The following PARD3 variants were observed in gnomAD, a reference collection of about 807,000 sequenced individuals.
PARD3 encodes the protein partitioning defective 3 homolog.
Under a neutral mutation model 155.4 loss-of-function variants are expected in PARD3, and 75 were observed. The observed-to-expected ratio is 0.48, with a 90% CI of 0.40 to 0.58. PARD3 has a LOEUF of 0.58. Among genes scored for constraint, PARD3 ranks in the 20% least tolerant of loss-of-function variants. The probability of loss-of-function intolerance (pLI) is 0.00; values close to 1 mark genes in which losing one functional copy is unlikely to be tolerated. For synonymous variants in PARD3, 576 were observed against 610.5 expected (o/e 0.94, Z 0.83); for missense variants, 1,642 against 1,721.7 (o/e 0.95, Z 0.82).
chr10:34,285,426 A>T lies in PARD3; in HGVS notation c.3066-1181T>A, dbSNP rs543336566. 6.6e-5 allele frequency among the ~76,000 whole-genome samples: 10 copies of T among 152,040 alleles called. No individual in the cohort carries two copies. The South Asian group carries it at 1.7e-3, about 25-fold the overall frequency. ...CCTCGTCTCTACTAAATACCAAAAC[A>T]ATCAGCCAGGTGTGGTGGTGTGCAC... On this transcript the variant is annotated intron_variant, in intron 20 of 24. Transcript: ENST00000374788.
rs1430602259 is a variant in PARD3, at chr10:34,512,499, G to T, written c.403+4480C>A. Among the ~76,000 whole-genome samples, 4 of 152,124 alleles carry T rather than the reference G, an allele frequency of 2.6e-5. No homozygotes were observed. In the East Asian group the frequency reaches 7.7e-4, roughly 29 times the overall value. ...TTTTCTGATATGACAGGATGATCCA[G>T]GATGATCCCATACATTTCCTGTACA... On this transcript the variant is annotated intron_variant, in intron 3 of 24. Coordinates refer to ENST00000374788, the MANE Select transcript of PARD3 (RefSeq NM_001184785.2).
chr10:34,122,138 A>G (rs143499965), intron 23 of PARD3, among the ~76,000 whole-genome samples: 88 of 152,326 alleles, frequency 5.8e-4, no homozygotes, highest in African/African-American at 2.0e-3. Context: ...CTTTTCACTC[A>G]GTGTAAACTA....
In PARD3 at chr10:34,627,897, A is replaced by C. The variant is rs116593743; in HGVS notation, c.222+68421T>G. 9.2e-3 allele frequency among the ~76,000 whole-genome samples: 1,397 copies of C among 152,268 alleles called. 13 individuals are homozygous for C. Among genetic ancestry groups the C allele is most frequent in the African/African-American group, 0.032 (1,328 of 41,544 alleles). The stretch of plus-strand genomic sequence containing the variant: ...GATTCCAGGAAGAAATGATGGGCAG[A>C]GGTGGGTACACACAGGTTGCCTCAT... On this transcript the variant is annotated intron_variant, in intron 2 of 24. Transcript: ENST00000374788.
chr10:34,741,813 C>T (rs1325148809), intron 1 of PARD3, among the ~76,000 whole-genome samples: 1 of 152,102 alleles, frequency 6.6e-6, no homozygotes, highest in Non-Finnish European at 1.5e-5. Context: ...ACATACAACA[C>T]AGAAAAATTA....
rs745704114 is a variant in PARD3 at position 34,140,885 on chromosome 10, T to G, written c.3420-9302A>C. On this transcript the variant is annotated intron_variant, in intron 22 of 24. Transcript: ENST00000374788. The stretch of plus-strand genomic sequence containing the variant: ...TTTCTAACAAGGGCCGCTTTTTTTG[T>G]GATGCTTCAGGGTATTTATAACATC... Among the ~76,000 whole-genome samples the G allele has an allele frequency of 1.2e-3, 185 of 152,248 alleles. 1 individual carries two copies. The highest frequency in any genetic ancestry group is 2.1e-3 in the Non-Finnish European group (146 of 68,042).
intron 4 of PARD3, among the ~76,000 whole-genome samples, chr10:34,463,190 GAAGGGGAAGGA>G (rs1008792561): frequency 7.7e-6 from 1 of 129,326 alleles, no homozygotes; most frequent in Admixed American, 8.0e-5. Flanking sequence ...AAAGGAAAGA[GAAGGGGAAGGA>G]AAGGGGAAGG....
chr10:34,763,093 G>A lies in PARD3; in HGVS notation c.120+51783C>T, dbSNP rs150972389. 3.8e-3 allele frequency among the ~76,000 whole-genome samples: 583 copies of A among 152,320 alleles called. 3 individuals are homozygous for A. Among genetic ancestry groups the A allele is most frequent in the Admixed American group, 5.5e-3 (84 of 15,304 alleles). ...GCCCAGAGGACATTTTGGAAATTTT[G>A]TTGTCACAATGACTGGAGGTCACTG... On this transcript the variant is annotated intron_variant, in intron 1 of 24. Transcript: ENST00000374788.
At chr10:34,213,682 T>C (rs1225787211) in intron 22 of PARD3, among the ~76,000 whole-genome samples, 1 of 152,050 alleles carries the variant, frequency 6.6e-6, no homozygotes, top group Non-Finnish European at 1.5e-5. Context: ...CTCAATCCTA[T>C]AGCAGAGATA....
intron 9 of PARD3, among the ~76,000 whole-genome samples, chr10:34,379,300 T>C (rs889304129): frequency 6.6e-6 from 1 of 152,110 alleles, no homozygotes; most frequent in Non-Finnish European, 1.5e-5. Context: ...CACTCCATAG[T>C]TATTCCTGTA....
chr10:34,454,564 A>T (rs999436631), intron 4 of PARD3, among the ~76,000 whole-genome samples: 3 of 152,218 alleles, frequency 2.0e-5, no homozygotes, highest in Non-Finnish European at 4.4e-5. Context: ...TATAAAACTT[A>T]CTAATGGCAT....
chr10:34,551,463 A>C (rs1447633989), intron 2 of PARD3, among the ~76,000 whole-genome samples: 1 of 152,308 alleles, frequency 6.6e-6, no homozygotes, highest in East Asian at 1.9e-4. Flanking sequence ...AGGCCACCTC[A>C]GGGTCAAAGA....
intron 22 of PARD3, among the ~76,000 whole-genome samples, chr10:34,131,808 G>A (rs1430264164): frequency 1.4e-5 from 2 of 139,858 alleles, no homozygotes; most frequent in Non-Finnish European, 3.2e-5. Context: ...AATATTTTTA[G>A]ATATTCTTTT....
intron 2 of PARD3, among the ~76,000 whole-genome samples, chr10:34,577,850 C>CT (rs369876578): frequency 0.19 from 28,043 of 144,400 alleles, 2,990 homozygotes; most frequent in Non-Finnish European, 0.26. Flanking sequence ...CTAGAATAAA[C>CT]TTTTTTTTTT....
intron 2 of PARD3, among the ~76,000 whole-genome samples, chr10:34,523,712 G>T (rs1420190175): frequency 6.6e-6 from 1 of 152,100 alleles, no homozygotes; most frequent in Non-Finnish European, 1.5e-5. Context: ...AACAGATATG[G>T]GAGAACTAGA....
chr10:34,792,448 CT>C (rs1841770184), intron 1 of PARD3, among the ~76,000 whole-genome samples: 1 of 152,190 alleles, frequency 6.6e-6, no homozygotes, highest in Admixed American at 6.5e-5. Context: ...GTCACAAACT[CT>C]ACTTAGCAGA....
At chr10:34,244,387 C>T (rs1027642088) in intron 22 of PARD3, among the ~76,000 whole-genome samples, 2 of 152,124 alleles carry the variant, frequency 1.3e-5, no homozygotes, top group African/African-American at 2.4e-5. Context: ...GCCTGAATAA[C>T]GGCCCAGGAA....
chr10:34,212,690 G>T (rs910842380), intron 22 of PARD3, among the ~76,000 whole-genome samples: 1 of 152,108 alleles, frequency 6.6e-6, no homozygotes, highest in Non-Finnish European at 1.5e-5. Context: ...GGCAAAGGCC[G>T]CAGAGGTGGA....
intron 22 of PARD3, among the ~76,000 whole-genome samples, chr10:34,156,027 AG>A (rs1477517197): frequency 2.6e-5 from 4 of 152,168 alleles, no homozygotes; most frequent in Admixed American, 2.6e-4. Flanking sequence ...TACTTTCAGC[AG>A]GAAGTGGGAA....
chr10:34,582,399 A>C (rs1250851260), intron 2 of PARD3, among the ~76,000 whole-genome samples: 5 of 152,230 alleles, frequency 3.3e-5, no homozygotes, highest in Non-Finnish European at 7.3e-5. Flanking sequence ...GTGAAAATTA[A>C]AGACAGTACA....
Sources: allele counts gnomAD v4.1 joint callset (sites outside exome capture counted in the v4.1 genomes callset), GRCh38; gene constraint gnomAD v4.1.1; transcripts MANE v1.5; gene names NCBI Gene and HGNC (gene_info 2026-07-23, HGNC 2026-07-21).